SORBS2: variants seen among roughly 807,000 people sequenced by gnomAD.
SORBS2 encodes the protein sorbin and SH3 domain containing 2.
A neutral mutation model predicts 97.7 loss-of-function variants in SORBS2; 46 were observed. The observed-to-expected ratio is 0.47, with a 90% CI of 0.37 to 0.60. The LOEUF is 0.60. Among genes scored for constraint, SORBS2 ranks in the 20% least tolerant of loss-of-function variants. The pLI, the probability that SORBS2 is intolerant of heterozygous loss-of-function variation, is 0.00. For missense variants in SORBS2, 1,316 were observed against 1,282.3 expected (o/e 1.03, Z -0.40); for synonymous variants, 476 against 473.4 (o/e 1.01, Z -0.07).
At position 185,763,692 on chromosome 4, in the gene SORBS2, T is replaced by C. The variant is rs567334263; in HGVS notation, c.-198+11535A>G. 2.0e-5 allele frequency among the ~76,000 whole-genome samples: 3 copies of C among 152,332 alleles called. No individual in the cohort carries two copies. The East Asian group carries it at 5.8e-4, about 29-fold the overall frequency. ...GGTATAATTTTGCCTTCCTTACACC[T>C]AGAAACATAGAAACCATCTTTTCTT... On this transcript the variant is annotated intron_variant, in intron 2 of 20. Transcript: ENST00000284776.
intron 1 of SORBS2, among the ~76,000 whole-genome samples, chr4:185,900,928 G>C (rs1176791913): frequency 2.0e-5 from 3 of 152,158 alleles, no homozygotes; most frequent in Non-Finnish European, 2.9e-5. Context: ...CTAAAACATT[G>C]TTTATGGACA....
chr4:185,595,805 A>AT (rs1303034685), intron 12 of SORBS2, among the ~76,000 whole-genome samples: 2 of 150,922 alleles, frequency 1.3e-5, no homozygotes, highest in African/African-American at 2.4e-5. Context: ...TGCTATACAC[A>AT]TTTTTTATGC....
At chr4:185,762,941 C>A (rs2098909267) in intron 2 of SORBS2, among the ~76,000 whole-genome samples, 2 of 152,196 alleles carry the variant, frequency 1.3e-5, no homozygotes, top group African/African-American at 4.8e-5. Flanking sequence ...GTAATCCCAG[C>A]ACTTTGGGAG....
intron 1 of SORBS2, among the ~76,000 whole-genome samples, chr4:185,789,373 C>T (rs1352816826): frequency 2.6e-5 from 4 of 151,890 alleles, no homozygotes; most frequent in Non-Finnish European, 4.4e-5. Flanking sequence ...GAATTAGCTA[C>T]AAAGGTACTC....
intron 1 of SORBS2, among the ~76,000 whole-genome samples, chr4:185,887,960 A>G (rs7690124): frequency 0.34 from 12,842 of 38,238 alleles, 1,155 homozygotes; most frequent in African/African-American, 0.54. Flanking sequence ...GTATATATAT[A>G]TGTGTGTGTG....
intron 13 of SORBS2, 91 bp downstream of exon 25, chr4:185,593,795 G>T: frequency 3.7e-6 from 3 of 817,686 alleles, no homozygotes; most frequent in East Asian, 4.9e-5. Flanking sequence ...GATCTTTCAC[G>T]TGCAAAGCCA....
chr4:185,880,220 G>A (rs2099236160), intron 1 of SORBS2, among the ~76,000 whole-genome samples: 1 of 152,144 alleles, frequency 6.6e-6, no homozygotes, highest in South Asian at 2.1e-4. Context: ...GGAAGAGACG[G>A]CCTTTATATA....
At chr4:185,648,534 C>T (rs988147589) in intron 3 of SORBS2, among the ~76,000 whole-genome samples, 3 of 151,026 alleles carry the variant, frequency 2.0e-5, no homozygotes, top group Non-Finnish European at 2.9e-5. Context: ...CCACGCCTGG[C>T]CTGATCATCA....
At chr4:185,811,377 G>A (rs73017860) in intron 1 of SORBS2, among the ~76,000 whole-genome samples, 1,706 of 152,268 alleles carry the variant, frequency 0.011, 37 homozygotes, top group African/African-American at 0.04. Flanking sequence ...CTGTGAGGAC[G>A]GTTCAGAACA....
At chr4:185,876,618 A>T (rs2099233830) in intron 1 of SORBS2, among the ~76,000 whole-genome samples, 1 of 152,190 alleles carries the variant, frequency 6.6e-6, no homozygotes, top group African/African-American at 2.4e-5. Context: ...AGTGTCTTTA[A>T]GAGAAAAGTT....
chr4:185,673,279 T>C (rs147749512), intron 4 of SORBS2, among the ~76,000 whole-genome samples: 1 of 152,308 alleles, frequency 6.6e-6, no homozygotes, highest in East Asian at 1.9e-4. Flanking sequence ...AATACTGCAT[T>C]GCACACTTAC....
chr4:185,670,052 C>G (rs1358815664), intron 4 of SORBS2, among the ~76,000 whole-genome samples: 7 of 152,004 alleles, frequency 4.6e-5, no homozygotes, highest in African/African-American at 1.7e-4. Flanking sequence ...AACCCCGTCT[C>G]TACTAAAAAT....
intron 2 of SORBS2, among the ~76,000 whole-genome samples, chr4:185,754,945 C>G (rs1332418860): frequency 6.6e-6 from 1 of 152,216 alleles, no homozygotes; most frequent in Non-Finnish European, 1.5e-5. Flanking sequence ...GGAATGTAAT[C>G]TACCTGTGTG....
chr4:185,868,849 G>A (rs925655958), intron 1 of SORBS2, among the ~76,000 whole-genome samples: 8 of 152,202 alleles, frequency 5.3e-5, no homozygotes, highest in Admixed American at 4.6e-4. Context: ...TGGACACTTT[G>A]TCAGCTATAA....
At chr4:185,829,580 A>G (rs1319399464) in intron 1 of SORBS2, among the ~76,000 whole-genome samples, 1 of 152,216 alleles carries the variant, frequency 6.6e-6, no homozygotes, top group Admixed American at 6.5e-5. Flanking sequence ...AGACACACAG[A>G]CACACAAACC....
At position 185,771,671 on chromosome 4, in the gene SORBS2, G is replaced by A. The variant is rs1040587793; in HGVS notation, c.-198+3556C>T. 14 of 152,166 alleles carry A rather than the reference G, an allele frequency of 9.2e-5. 1 individual carries two copies. The highest frequency in any genetic ancestry group is 7.9e-4 in the Admixed American group (12 of 15,286). 9.4% of individuals were successfully genotyped at this position (152,166 alleles called of 1,614,324 possible). A position where few individuals can be genotyped will look rare whatever the true frequency, so the allele number is the denominator to read the frequency against. On this transcript the variant is annotated intron_variant, in intron 2 of 20. Coordinates refer to the SORBS2 transcript ENST00000284776. ...TTTTATTGAATATATAAGTGACTAT[G>A]AAATTTCAAAATGAAATTTGATGGC...
At chr4:185,925,598 T>TGTCTA (rs2099263215) in intron 1 of SORBS2, among the ~76,000 whole-genome samples, 1 of 152,162 alleles carries the variant, frequency 6.6e-6, no homozygotes, top group South Asian at 2.1e-4. Flanking sequence ...AAAAGATACA[T>TGTCTA]TTTGGAAATA....
intron 1 of SORBS2, among the ~76,000 whole-genome samples, chr4:185,916,897 C>A (rs186852324): frequency 5.1e-4 from 78 of 152,316 alleles, no homozygotes; most frequent in African/African-American, 1.8e-3. Flanking sequence ...TGAGCTGACT[C>A]ATGGCTGGCA....
chr4:185,798,594 T>C (rs2099116539), intron 1 of SORBS2, among the ~76,000 whole-genome samples: 1 of 152,222 alleles, frequency 6.6e-6, no homozygotes, highest in Non-Finnish European at 1.5e-5. Context: ...GGATCTTTCT[T>C]TGCAGAGTGA....
Sources: gnomAD v4.1 joint callset for allele counts (sites outside exome capture counted in the v4.1 genomes callset) on GRCh38, gnomAD v4.1.1 for gene constraint, MANE v1.5 for transcripts, NCBI Gene and HGNC (gene_info 2026-07-23, HGNC 2026-07-21) for gene names.